Variants in EYS observed in about 807,000 individuals in gnomAD.
EYS encodes EGF-like photoreceptor maintenance factor, also known as protein eyes shut homolog.
A neutral mutation model predicts 282.1 loss-of-function variants in EYS; 250 were observed. That is an observed-to-expected ratio of 0.89 (90% confidence interval 0.80 to 0.98). EYS has a LOEUF of 0.98. EYS is among the 50% of genes least tolerant of loss of function. EYS has a pLI of 0.00. For synonymous variants in EYS, 1,355 were observed against 1,282.9 expected (o/e 1.06, Z -1.20); for missense variants, 4,016 against 3,709.0 (o/e 1.08, Z -2.15).
chr6:64,758,129 G>A (rs141440999), intron 22 of EYS, among the ~76,000 whole-genome samples: 6 of 152,104 alleles, frequency 3.9e-5, no homozygotes, highest in Non-Finnish European at 8.8e-5. Context: ...TAGTACGCAC[G>A]AGTTATTTGT....
chr6:63,946,726 ATT>A (rs10580253), intron 35 of EYS, among the ~76,000 whole-genome samples: 43,090 of 135,394 alleles, frequency 0.32, 6,226 homozygotes, highest in East Asian at 0.41. Flanking sequence ...TTTATGAACT[ATT>A]TTTTTTTTTT....
At chr6:65,179,727 A>T (rs967888670) in intron 12 of EYS, among the ~76,000 whole-genome samples, 1 of 152,108 alleles carries the variant, frequency 6.6e-6, no homozygotes, top group Admixed American at 6.6e-5. Flanking sequence ...TCATCCTGAT[A>T]CCAAAGCCTG....
intron 19 of EYS, among the ~76,000 whole-genome samples, chr6:64,840,864 T>C (rs1765542124): frequency 6.6e-6 from 1 of 152,110 alleles, no homozygotes; most frequent in South Asian, 2.1e-4. Flanking sequence ...AAAAGTAAAT[T>C]GAATGCAAAA....
intron 22 of EYS, among the ~76,000 whole-genome samples, chr6:64,789,426 A>G (rs1050324634): frequency 2.0e-5 from 3 of 152,102 alleles, no homozygotes; most frequent in Non-Finnish European, 4.4e-5. Flanking sequence ...ACACATGCTA[A>G]CATGCTCCAT....
chr6:64,193,337 G>C (rs1398384474), intron 31 of EYS, among the ~76,000 whole-genome samples: 1 of 151,450 alleles, frequency 6.6e-6, no homozygotes, highest in African/African-American at 2.4e-5. Context: ...TGGAAACGGA[G>C]TCTCCCTCTG....
intron 14 of EYS, among the ~76,000 whole-genome samples, chr6:64,983,471 T>TC (rs1770750443): frequency 6.6e-6 from 1 of 151,110 alleles, no homozygotes; most frequent in Non-Finnish European, 1.5e-5. Context: ...CAACCAGTTT[T>TC]CCCCCCACAC....
chr6:65,507,460 A>G (rs1766699125), intron 2 of EYS, among the ~76,000 whole-genome samples: 1 of 152,062 alleles, frequency 6.6e-6, no homozygotes. Flanking sequence ...CTTCCAGGAC[A>G]TGAGAATCAT....
At chr6:63,828,130 A>G (rs925118763) in intron 36 of EYS, among the ~76,000 whole-genome samples, 34 of 152,168 alleles carry the variant, frequency 2.2e-4, no homozygotes, top group African/African-American at 8.0e-4. Flanking sequence ...CACCTACATC[A>G]AAAAGTCTGA....
intron 12 of EYS, among the ~76,000 whole-genome samples, chr6:65,252,834 G>A (rs1767362184): frequency 6.6e-6 from 1 of 151,928 alleles, no homozygotes; most frequent in Non-Finnish European, 1.5e-5. Flanking sequence ...TTTTCATTGG[G>A]TGGGTTCAAT....
At chr6:64,449,436 G>T (rs1307387362) in intron 26 of EYS, among the ~76,000 whole-genome samples, 1 of 152,108 alleles carries the variant, frequency 6.6e-6, no homozygotes, top group Non-Finnish European at 1.5e-5. Flanking sequence ...CACTCTGCAG[G>T]ATATTACCCA....
At chr6:65,667,765 A>G (rs753785346) in intron 1 of EYS, among the ~76,000 whole-genome samples, 9 of 151,848 alleles carry the variant, frequency 5.9e-5, no homozygotes, top group Non-Finnish European at 1.2e-4. Flanking sequence ...ACCCAGAACA[A>G]TATTTCCTAA....
chr6:63,777,645 T>G (rs1156841032), intron 40 of EYS: 2 of 173,656 alleles, frequency 1.2e-5, no homozygotes, highest in Non-Finnish European at 2.5e-5. Context: ...CTATTGCCCT[T>G]TCTAAAGGGG....
intron 29 of EYS, among the ~76,000 whole-genome samples, chr6:64,323,980 G>C (rs150107341): frequency 2.2e-4 from 33 of 152,178 alleles, no homozygotes; most frequent in Admixed American, 5.9e-4. Flanking sequence ...CCCATTTTCT[G>C]GGGGAAGTTT....
intron 14 of EYS, among the ~76,000 whole-genome samples, chr6:64,963,949 T>A (rs1339835693): frequency 6.6e-6 from 1 of 152,148 alleles, no homozygotes; most frequent in African/African-American, 2.4e-5. Flanking sequence ...TTTTATTAGG[T>A]AAAACACACA....
intron 14 of EYS, among the ~76,000 whole-genome samples, chr6:64,978,431 T>C (rs1334265721): frequency 6.6e-6 from 1 of 151,964 alleles, no homozygotes; most frequent in Non-Finnish European, 1.5e-5. Context: ...AAAATATTAC[T>C]GTGCTTTGAC....
intron 2 of EYS, among the ~76,000 whole-genome samples, chr6:65,627,548 G>C (rs947946748): frequency 6.6e-6 from 1 of 152,144 alleles, no homozygotes; most frequent in African/African-American, 2.4e-5. Flanking sequence ...AGCAGGAACC[G>C]GGGCTGCCTG....
intron 26 of EYS, among the ~76,000 whole-genome samples, chr6:64,508,029 C>A (rs1037170258): frequency 2.0e-5 from 3 of 152,136 alleles, no homozygotes; most frequent in Admixed American, 6.5e-5. Flanking sequence ...CTTTCTACTA[C>A]TTTGGTAGTT....
At chr6:63,732,355 CAA>C (rs1385078255) in intron 41 of EYS, among the ~76,000 whole-genome samples, 1 of 152,006 alleles carries the variant, frequency 6.6e-6, no homozygotes, top group East Asian at 1.9e-4. Flanking sequence ...TATTCAGTAA[CAA>C]AGTACTGGGG....
Position 64,304,569 on chromosome 6 carries a change from CATATAAATTATCTTTTCT to C in EYS, c.6191+2383_6191+2400del, listed in dbSNP as rs1344827758. On this transcript the variant is annotated intron_variant, in intron 30 of 42. Coordinates refer to ENST00000503581, the MANE Select transcript of EYS (RefSeq NM_001142800.2). ...TCTCAATAGATGGAAGGACATATGT[CATATAAATTATCTTTTCT>C]GATCACAATGGTTTCCAGGATAGAC... Among the ~76,000 whole-genome samples the C allele has an allele frequency of 1.1e-4, 15 of 136,976 alleles. 2 individuals are homozygous for C. Among genetic ancestry groups the C allele is most frequent in the Non-Finnish European group, 6.3e-5 (4 of 63,860 alleles). The allele number at this position is 136,976 out of a possible 152,430, so 89.9% of individuals were successfully genotyped here. A position where few individuals can be genotyped will look rare whatever the true frequency, so the allele number is the denominator to read the frequency against.
Sources: allele counts gnomAD v4.1 joint callset (sites outside exome capture counted in the v4.1 genomes callset), GRCh38; gene constraint gnomAD v4.1.1; transcripts MANE v1.5; gene names NCBI Gene and HGNC (gene_info 2026-07-23, HGNC 2026-07-21).